The following MPPED1 variants were observed in gnomAD, a reference collection of about 807,000 sequenced individuals.
The protein encoded by MPPED1 is metallophosphoesterase domain-containing protein 1.
In MPPED1, 16 loss-of-function variants were observed where a neutral mutation model predicts 36.2. The ratio of observed to expected loss-of-function variants is 0.44; its 90% CI spans 0.30 to 0.67. The LOEUF is 0.67. Ranked by LOEUF, MPPED1 falls within the 30% of genes least tolerant of loss-of-function variation. MPPED1 has a pLI of 0.10. For missense variants in MPPED1, 307 were observed against 453.4 expected (o/e 0.68, Z 2.93); for synonymous variants, 199 against 191.3 (o/e 1.04, Z -0.33).
intron 3 of MPPED1, among the ~76,000 whole-genome samples, chr22:43,460,344 GA>G (rs1416155997): frequency 7.1e-5 from 10 of 140,290 alleles, no homozygotes; most frequent in Non-Finnish European, 1.2e-4. Flanking sequence ...TGTTTTTTGA[GA>G]CAGGGTCTCA....
intron 3 of MPPED1, among the ~76,000 whole-genome samples, chr22:43,449,712 A>G (rs1930496233): frequency 6.6e-6 from 1 of 152,168 alleles, no homozygotes; most frequent in African/African-American, 2.4e-5. Context: ...AACTGAAACC[A>G]GAGCTGGGCC....
chr22:43,485,822 G>A (rs770303956), intron 4 of MPPED1, among the ~76,000 whole-genome samples: 6 of 152,238 alleles, frequency 3.9e-5, no homozygotes, highest in Non-Finnish European at 7.3e-5. Flanking sequence ...CCTGTTCTTC[G>A]GTTCCACTTA....
intron 2 of MPPED1, among the ~76,000 whole-genome samples, 160 bp from the exon 3 acceptor site, chr22:43,434,874 G>A (rs914806984): frequency 1.3e-5 from 2 of 152,212 alleles, no homozygotes; most frequent in African/African-American, 2.4e-5. Flanking sequence ...GATTCGGGCC[G>A]GGGTGGACCC....
intron 3 of MPPED1, among the ~76,000 whole-genome samples, chr22:43,463,257 T>G (rs1931016211): frequency 6.6e-6 from 1 of 152,092 alleles, no homozygotes; most frequent in South Asian, 2.1e-4. Context: ...CATCTCCAGT[T>G]TTTTCTTCCA....
intron 4 of MPPED1, among the ~76,000 whole-genome samples, chr22:43,476,824 G>T (rs1931591679): frequency 6.6e-6 from 1 of 152,130 alleles, no homozygotes; most frequent in Non-Finnish European, 1.5e-5. Flanking sequence ...GACAAGGAGA[G>T]GAGGGGAGGT....
chr22:43,450,500 C>T (rs1445482676), intron 3 of MPPED1, among the ~76,000 whole-genome samples: 2 of 152,196 alleles, frequency 1.3e-5, no homozygotes, highest in Non-Finnish European at 2.9e-5. Context: ...AGCCATATGG[C>T]CTTGGGCATG....
chr22:43,428,154 T>C (rs1165897439), intron 2 of MPPED1, among the ~76,000 whole-genome samples: 2 of 152,146 alleles, frequency 1.3e-5, no homozygotes, highest in Admixed American at 6.5e-5. Flanking sequence ...CGTGTGATGC[T>C]GGTGATGGTA....
At chr22:43,439,604 G>A (rs1322655378) in intron 3 of MPPED1, among the ~76,000 whole-genome samples, 1 of 152,216 alleles carries the variant, frequency 6.6e-6, no homozygotes, top group Non-Finnish European at 1.5e-5. Context: ...TTGTAGAACG[G>A]GGAGAATTAT....
At chr22:43,436,560 C>G (rs1476001) in intron 3 of MPPED1, among the ~76,000 whole-genome samples, 71,041 of 152,220 alleles carry the variant, frequency 0.47, 17,374 homozygotes, top group Non-Finnish European at 0.53. Flanking sequence ...AAGTGCAGGC[C>G]GGGGGACAGG....
intron 3 of MPPED1, among the ~76,000 whole-genome samples, chr22:43,459,480 C>T (rs1168314651): frequency 6.6e-6 from 1 of 152,226 alleles, no homozygotes; most frequent in Non-Finnish European, 1.5e-5. Flanking sequence ...CAATGGTGTC[C>T]CACAGGTCTC....
Position 43,474,943 on chromosome 22 carries a change from G to A in MPPED1, c.614G>A (p.Arg205Gln), listed in dbSNP as rs1569082000. ...TCGGAGGTCACCGTGCGGGGCTTCCGGATCTATGGCTCCCCATGGTGAGTG... is the reference window on the plus strand; with the variant it reads ...TCGGAGGTCACCGTGCGGGGCTTCCAGATCTATGGCTCCCCATGGTGAGTG... ...QDSEVTVRGFRIYGSPWQPWF... is the reference protein window; with the variant it reads ...QDSEVTVRGFQIYGSPWQPWF... Residue 205 changes from arginine to glutamine, a missense_variant, in exon 4 of 7, where the codon CGG (arginine) becomes CAG (glutamine). Arg to Gln is a conservative substitution (Grantham distance 43). This residue lies in a region of MPPED1 where 132 missense variants were observed against 212.3 expected (regional missense o/e 0.62). Transcript: ENST00000443721. This position sits in a 1 kb window ranked among gnomAD's most constrained non-coding sequence, Gnocchi z 5.2. 6 of 1,613,944 alleles carry A rather than the reference G, an allele frequency of 3.7e-6. No homozygotes were observed. Among genetic ancestry groups the A allele is most frequent in the East Asian group, 4.5e-5 (2 of 44,886 alleles).
intron 3 of MPPED1, among the ~76,000 whole-genome samples, chr22:43,439,179 C>T (rs558351849): frequency 6.5e-4 from 99 of 152,310 alleles, no homozygotes; most frequent in South Asian, 2.7e-3. Flanking sequence ...ATGCATTGCC[C>T]GTTTGCCGGC....
chr22:43,451,658 T>TA (rs1281463816), intron 3 of MPPED1, among the ~76,000 whole-genome samples: 1 of 152,236 alleles, frequency 6.6e-6, no homozygotes, highest in Non-Finnish European at 1.5e-5. Context: ...AACTAACATT[T>TA]GTCATGTTGG....
Position 43,425,185 on chromosome 22 carries a change from G to A in MPPED1, c.200G>A (p.Arg67His), listed in dbSNP as rs1324464781. The A allele has an allele frequency of 4.4e-6, 7 of 1,606,076 alleles. No homozygotes were observed. The highest frequency in any genetic ancestry group is 5.1e-6 in the Non-Finnish European group (6 of 1,173,860). Residue 67 changes from arginine (R) to histidine (H), a missense_variant, in exon 2 of 7, where the codon CGC becomes CAC. Arg to His is a conservative substitution (Grantham distance 29). Transcript: ENST00000443721. Reference sequence around the variant, plus strand: ...ACCTTCTACAACATCAACCAGGGCCGCTTCCAGCCACCGCATGTGCAGATG... The same window carrying A: ...ACCTTCTACAACATCAACCAGGGCCACTTCCAGCCACCGCATGTGCAGATG... Reference protein sequence around the residue: ...AFTFYNINQGRFQPPHVQMVD... With the variant: ...AFTFYNINQGHFQPPHVQMVD...
chr22:43,455,115 C>CTTTTTTTTTTTTTTTTTT lies in MPPED1; in HGVS notation c.407-19609_407-19608insTTTTTTTTTTTTTTTTTT, dbSNP rs71284734. 9.8e-5 allele frequency among the ~76,000 whole-genome samples: 12 copies of CTTTTTTTTTTTTTTTTTT among 122,780 alleles called. 1 individual carries two copies. The highest frequency in any genetic ancestry group is 3.4e-4 in the Admixed American group (4 of 11,678). The allele number at this position is 122,780 out of a possible 152,430, so 80.5% of individuals were successfully genotyped here. ...TTCTCTGCCTCTCTGCCTTCATGTC[C>CTTTTTTTTTTTTTTTTTT]TTTTTTTTTTTTGAGACGAAGTCTT... On this transcript the variant is annotated intron_variant, in intron 3 of 6. Coordinates refer to ENST00000443721, the MANE Select transcript of MPPED1 (RefSeq NM_001044370.2).
At chr22:43,432,852 G>C (rs1929797070) in intron 2 of MPPED1, among the ~76,000 whole-genome samples, 1 of 102,230 alleles carries the variant, frequency 9.8e-6, no homozygotes, top group African/African-American at 3.1e-5. Context: ...AAAGGGAGGA[G>C]AGAGAGAAAG....
At chr22:43,416,940 G>A (rs978780920) in intron 1 of MPPED1, 1 of 981,764 alleles carries the variant, frequency 1.0e-6, no homozygotes, top group African/African-American at 1.8e-5. Context: ...GACAAGCCCG[G>A]CGAGCCGACT....
intron 3 of MPPED1, among the ~76,000 whole-genome samples, chr22:43,463,333 T>TTTC (rs1931021037): frequency 8.1e-5 from 4 of 49,200 alleles, no homozygotes; most frequent in African/African-American, 3.5e-4. Flanking sequence ...GATTTTTTCT[T>TTTC]TTTTTTTTTT....
At chr22:43,444,664 T>A (rs2146845649) in intron 3 of MPPED1, among the ~76,000 whole-genome samples, 1 of 152,228 alleles carries the variant, frequency 6.6e-6, no homozygotes, top group East Asian at 1.9e-4. Context: ...TGCCTGGCCC[T>A]TTATTTCTTT....
Sources: allele counts gnomAD v4.1 joint callset (sites outside exome capture counted in the v4.1 genomes callset), GRCh38; gene constraint gnomAD v4.1.1; regional missense constraint gnomAD v4.1.1; non-coding constraint Gnocchi (gnomAD v3.1); transcripts MANE v1.5; gene names NCBI Gene and HGNC (gene_info 2026-07-23, HGNC 2026-07-21).